The following GABRB1 variants were observed in gnomAD, a reference collection of about 807,000 sequenced individuals.
The protein encoded by GABRB1 is gamma-aminobutyric acid type A receptor subunit beta1.
A neutral mutation model predicts 51.6 loss-of-function variants in GABRB1; 17 were observed. The ratio of observed to expected loss-of-function variants is 0.33; its 90% confidence interval spans 0.23 to 0.49. The LOEUF is 0.49. Ranked by LOEUF, GABRB1 falls within the 20% of genes least tolerant of loss-of-function variation. The probability of loss-of-function intolerance (pLI) is 0.99; values close to 1 mark genes in which losing one functional copy is unlikely to be tolerated. For missense variants in GABRB1, 410 were observed against 600.6 expected, an observed-to-expected ratio of 0.68 and a Z score of 3.32; for synonymous variants, 247 against 218.9, an observed-to-expected ratio of 1.13 and a Z score of -1.14.
At chr4:47,277,001 G>A (rs1303986536) in intron 4 of GABRB1, among the ~76,000 whole-genome samples, 4 of 151,984 alleles carry the variant, frequency 2.6e-5, no homozygotes, top group Non-Finnish European at 4.4e-5. Flanking sequence ...AACATAGGTA[G>A]GATTCTAGGG....
chr4:47,406,842 T>C lies in GABRB1; in HGVS notation c.996T>C (p.Phe332=), dbSNP rs2110055116. ...LEYAFVNYIF[F]GKGPQKKGAS... ...ATGCCTTTGTAAATTACATCTTCTTTGGGAAAGGCCCTCAGAAAAAGGGAG... is the reference window on the plus strand; with the variant it reads ...ATGCCTTTGTAAATTACATCTTCTTCGGGAAAGGCCCTCAGAAAAAGGGAG... The change falls in exon 8 of 9, where the codon TTT becomes TTC. Residue 332 remains phenylalanine, a synonymous_variant. Coordinates refer to ENST00000295454, the MANE Select transcript of GABRB1 (RefSeq NM_000812.4). 6.2e-7 allele frequency: 1 copy of C among 1,614,118 alleles called. No individual in the cohort carries two copies. Among genetic ancestry groups the C allele is most frequent in the South Asian group, 1.1e-5 (1 of 91,076 alleles).
chr4:47,063,146 C>T (rs1726913352), intron 3 of GABRB1, among the ~76,000 whole-genome samples: 1 of 152,180 alleles, frequency 6.6e-6, no homozygotes, highest in South Asian at 2.1e-4. Context: ...TCTCACCTTT[C>T]TTTCCGGTGT....
chr4:47,332,203 A>G (rs1348542498), intron 5 of GABRB1, among the ~76,000 whole-genome samples: 2 of 152,224 alleles, frequency 1.3e-5, no homozygotes, highest in East Asian at 3.9e-4. Context: ...ACTTCTATAA[A>G]TGCAATAGAT....
intron 3 of GABRB1, among the ~76,000 whole-genome samples, chr4:47,146,191 T>C (rs1717163362): frequency 6.6e-6 from 1 of 152,054 alleles, no homozygotes; most frequent in Admixed American, 6.6e-5. Flanking sequence ...ATTTACATTT[T>C]TTAAAAAAAA....
At chr4:47,232,495 C>A (rs1310232557) in intron 4 of GABRB1, among the ~76,000 whole-genome samples, 1 of 152,108 alleles carries the variant, frequency 6.6e-6, no homozygotes, top group African/African-American at 2.4e-5. Context: ...CATGATCACG[C>A]ACTTTTGTGA....
intron 3 of GABRB1, among the ~76,000 whole-genome samples, chr4:47,151,480 C>T (rs1478748539): frequency 6.6e-6 from 1 of 151,994 alleles, no homozygotes; most frequent in Non-Finnish European, 1.5e-5. Context: ...TATCCTTTCT[C>T]AATTTAGCTT....
intron 4 of GABRB1, among the ~76,000 whole-genome samples, chr4:47,252,087 A>T (rs1036007587): frequency 4.9e-5 from 1 of 20,452 alleles, no homozygotes; most frequent in African/African-American, 1.8e-4. Flanking sequence ...ACCGCCCCCC[A>T]CCCCGCTGCC....
At chr4:47,416,144 A>C (rs1446467264) in intron 8 of GABRB1, among the ~76,000 whole-genome samples, 1 of 152,236 alleles carries the variant, frequency 6.6e-6, no homozygotes, top group Admixed American at 6.5e-5. Flanking sequence ...TATAGTAAAG[A>C]AAATGATGAG....
At chr4:47,374,316 G>A (rs1164548656) in intron 5 of GABRB1, among the ~76,000 whole-genome samples, 1 of 152,152 alleles carries the variant, frequency 6.6e-6, no homozygotes, top group African/African-American at 2.4e-5. Context: ...TTAAGCACAG[G>A]TAGTTGAGGC....
intron 3 of GABRB1, among the ~76,000 whole-genome samples, chr4:47,149,632 T>C (rs1304968781): frequency 1.3e-5 from 2 of 152,056 alleles, no homozygotes; most frequent in African/African-American, 4.8e-5. Flanking sequence ...TGGAGGTTTC[T>C]TTCCTAGTTA....
chr4:47,392,409 C>A (rs1485322487), intron 5 of GABRB1, among the ~76,000 whole-genome samples: 2 of 145,162 alleles, frequency 1.4e-5, no homozygotes, highest in Non-Finnish European at 3.0e-5. Context: ...ATGACACAAT[C>A]TCGGCTCACT....
intron 3 of GABRB1, among the ~76,000 whole-genome samples, chr4:47,086,984 T>A (rs142491016): frequency 3.3e-5 from 5 of 152,332 alleles, no homozygotes; most frequent in Admixed American, 6.5e-5. Flanking sequence ...TGTTCCATGG[T>A]GAAGTGGGGA....
At chr4:47,249,406 C>T (rs753269455) in intron 4 of GABRB1, among the ~76,000 whole-genome samples, 17 of 151,964 alleles carry the variant, frequency 1.1e-4, no homozygotes, top group East Asian at 1.9e-4. Context: ...TTAAATTTAT[C>T]GAGGCTCATT....
intron 4 of GABRB1, among the ~76,000 whole-genome samples, chr4:47,279,811 G>T (rs1184680265): frequency 3.3e-5 from 5 of 150,210 alleles, no homozygotes; most frequent in Non-Finnish European, 7.4e-5. Context: ...CCTTAGAGAT[G>T]AAGTGAGTTT....
chr4:47,355,447 T>C (rs1277347551), intron 5 of GABRB1, among the ~76,000 whole-genome samples: 2 of 152,178 alleles, frequency 1.3e-5, no homozygotes, highest in African/African-American at 4.8e-5. Context: ...GATCATATCC[T>C]TTCAGAATGA....
At chr4:47,011,068 G>A (rs1290388277) in intron 1 of GABRB1, among the ~76,000 whole-genome samples, 3 of 152,116 alleles carry the variant, frequency 2.0e-5, no homozygotes, top group Non-Finnish European at 4.4e-5. Flanking sequence ...ATAAGTTTTA[G>A]TCAAAGTGAA....
rs969786617 is a variant in GABRB1 at position 47,391,768 on chromosome 4, A to C, written c.545-11550A>C. Among the ~76,000 whole-genome samples, 5 of 152,236 alleles carry C rather than the reference A, an allele frequency of 3.3e-5. No individual in the cohort carries two copies. In the South Asian group the frequency reaches 1.0e-3, roughly 31 times the overall value. ...TTGGGACCATAAACTCAAAACTCTA[A>C]GCAGCAAACAATATTAACTTATTTA... On this transcript the variant is annotated intron_variant, in intron 5 of 8. Coordinates refer to ENST00000295454, the MANE Select transcript of GABRB1 (RefSeq NM_000812.4).
intron 5 of GABRB1, among the ~76,000 whole-genome samples, chr4:47,325,651 A>G (rs1200053761): frequency 3.3e-5 from 5 of 152,072 alleles, no homozygotes; most frequent in Non-Finnish European, 5.9e-5. Context: ...TCCCATCATC[A>G]TAACTTTCTC....
chr4:47,040,334 T>A (rs927317295), intron 3 of GABRB1, among the ~76,000 whole-genome samples: 1 of 151,976 alleles, frequency 6.6e-6, no homozygotes, highest in African/African-American at 2.4e-5. Flanking sequence ...AAGCTAAGAG[T>A]GTTTCAAGGT....
Sources: gnomAD v4.1 joint callset for allele counts (sites outside exome capture counted in the v4.1 genomes callset) on GRCh38, gnomAD v4.1.1 for gene constraint, MANE v1.5 for transcripts, NCBI Gene and HGNC (gene_info 2026-07-23, HGNC 2026-07-21) for gene names.